Variants in PPP1R7 observed in about 807,000 individuals in gnomAD.
The protein encoded by PPP1R7 is protein phosphatase 1 regulatory subunit 7, also known as protein phosphatase 1 regulatory subunit 22.
In PPP1R7, 18 loss-of-function variants were observed where a neutral mutation model predicts 45.2. That is an observed-to-expected ratio of 0.40 (90% CI 0.28 to 0.59). The LOEUF is 0.59. Among genes scored for constraint, PPP1R7 ranks in the 20% least tolerant of loss-of-function variants. PPP1R7 has a pLI of 0.46. For missense variants in PPP1R7, 314 were observed against 455.8 expected, an observed-to-expected ratio of 0.69 and a Z score of 2.83; for synonymous variants, 181 against 183.4, an observed-to-expected ratio of 0.99 and a Z score of 0.11.
chr2:241,172,148 G>T (rs2067827348), intron 9 of PPP1R7, among the ~76,000 whole-genome samples: 1 of 127,456 alleles, frequency 7.8e-6, no homozygotes, highest in Admixed American at 8.0e-5. Context: ...CTACTTTTTG[G>T]AGTGACTTTT....
upstream of PPP1R7, chr2:241,150,004 C>T (rs1192795587): frequency 1.4e-6 from 2 of 1,405,096 alleles, no homozygotes; most frequent in Non-Finnish European, 1.8e-6. Flanking sequence ...GTTGCTCTTG[C>T]CGTTCGGCCC....
chr2:241,161,837 T>C (rs2067598015), intron 6 of PPP1R7, among the ~76,000 whole-genome samples: 1 of 152,166 alleles, frequency 6.6e-6, no homozygotes, highest in Non-Finnish European at 1.5e-5. Flanking sequence ...GAAGAACACT[T>C]GAGCCCCGTG....
At chr2:241,169,968 A>G (rs758517601) in intron 9 of PPP1R7, 101 bp downstream of exon 9, 183 of 976,896 alleles carry the variant, frequency 1.9e-4, no homozygotes, top group Non-Finnish European at 2.7e-4. Flanking sequence ...GTAAGCCTTC[A>G]TGCTGAGTGA....
At chr2:241,163,840 CTT>C (rs2067649161) in intron 7 of PPP1R7, among the ~76,000 whole-genome samples, 1 of 152,068 alleles carries the variant, frequency 6.6e-6, no homozygotes, top group African/African-American at 2.4e-5. Flanking sequence ...GTCTTGAACT[CTT>C]GACCTCAAGT....
At position 241,157,815 on chromosome 2, in the gene PPP1R7, G is replaced by C. The variant is rs1575385502; in HGVS notation, c.190G>C (p.Glu64Gln). The C allele has an allele frequency of 6.2e-7, 1 of 1,613,826 alleles. No homozygotes were observed. The highest frequency in any genetic ancestry group is 8.5e-7 in the Non-Finnish European group (1 of 1,179,702). Residue 64 changes from glutamate (E) to glutamine (Q), a missense_variant, in exon 3 of 10, where the codon GAG becomes CAG. Physicochemically the swap from Glu to Gln is conservative, Grantham distance 29. This residue lies in a region of PPP1R7 where 112 missense variants were observed against 144.5 expected (regional missense o/e 0.78). Transcript: ENST00000234038. Reference protein sequence around the residue: ...RGEEDPEEEHELPVDMETINL... With the variant: ...RGEEDPEEEHQLPVDMETINL... The stretch of plus-strand genomic sequence containing the variant: ...TTTTCTTATTTTTTCAGAAGAACAT[G>C]AGCTGCCTGTGGACATGGAAACCAT...
At chr2:241,177,948 G>A (rs1245273980) in intron 9 of PPP1R7, among the ~76,000 whole-genome samples, 6 of 152,238 alleles carry the variant, frequency 3.9e-5, no homozygotes, top group African/African-American at 7.2e-5. Flanking sequence ...GATGCTGCCC[G>A]CTCGTTTAAG....
At chr2:241,157,161 G>T (rs908213140) in intron 2 of PPP1R7, among the ~76,000 whole-genome samples, 6 of 152,176 alleles carry the variant, frequency 3.9e-5, no homozygotes, top group Non-Finnish European at 8.8e-5. Flanking sequence ...GGGCTTCTCT[G>T]CTGGAGTGAG....
chr2:241,149,784 G>A (rs1417252767), upstream of PPP1R7: 2 of 1,535,596 alleles, frequency 1.3e-6, no homozygotes, highest in Non-Finnish European at 1.7e-6. Flanking sequence ...TTCATGGGCC[G>A]GGTGGCTCCG....
chr2:241,150,595 G>T (rs775320126), intron 1 of PPP1R7, 48 bp downstream of exon 1: 9 of 1,558,864 alleles, frequency 5.8e-6, no homozygotes, highest in Non-Finnish European at 6.1e-6. Context: ...CGGGCGGGGG[G>T]AGCTGCGGGC....
At chr2:241,154,264 GAAAT>G (rs1295464614) in intron 2 of PPP1R7, among the ~76,000 whole-genome samples, 1 of 150,286 alleles carries the variant, frequency 6.7e-6, no homozygotes, top group African/African-American at 2.4e-5. Flanking sequence ...AATGAGATTC[GAAAT>G]AAATGTTATG....
upstream of PPP1R7, chr2:241,149,675 G>A (rs1212092215): frequency 5.8e-6 from 9 of 1,547,574 alleles, no homozygotes; most frequent in Non-Finnish European, 7.0e-6. Context: ...GGGCCGGGCA[G>A]ATGCGGTTTC....
rs996180124 is a variant in PPP1R7, at chr2:241,168,135, T to C, written c.820-1646T>C. On this transcript the variant is annotated intron_variant, in intron 8 of 9. Coordinates refer to ENST00000234038, the MANE Select transcript of PPP1R7 (RefSeq NM_002712.3). ...CTCTCCTCACCCTGTTCCATTCTTT[T>C]TTTCTGTTTCTTAAGCAGTTCTTAC... 7.9e-4 allele frequency among the ~76,000 whole-genome samples: 121 copies of C among 152,332 alleles called. 1 individual carries two copies. The highest frequency in any genetic ancestry group is 3.4e-3 in the Middle Eastern group (1 of 294).
At chr2:241,167,977 T>C (rs971071848) in intron 8 of PPP1R7, among the ~76,000 whole-genome samples, 15 of 152,210 alleles carry the variant, frequency 9.9e-5, no homozygotes, top group Non-Finnish European at 1.6e-4. Flanking sequence ...CCCATCCCAG[T>C]GTCTCACGAC....
chr2:241,181,856 C>T (rs1041051337), intron 9 of PPP1R7, among the ~76,000 whole-genome samples: 1 of 152,138 alleles, frequency 6.6e-6, no homozygotes, highest in African/African-American at 2.4e-5. Flanking sequence ...GCCCTGAGGC[C>T]GGGCAGCTCT....
chr2:241,160,287 T>G (rs370316216), intron 5 of PPP1R7, 45 bp from the exon 6 acceptor site: 6 of 1,463,852 alleles, frequency 4.1e-6, no homozygotes, highest in Non-Finnish European at 5.5e-6. Context: ...CTATGCAACC[T>G]ATGCTCGTGA....
chr2:241,168,705 G>A lies in PPP1R7; in HGVS notation c.820-1076G>A, dbSNP rs1341633554. Among the ~76,000 whole-genome samples, 9 of 152,196 alleles carry A rather than the reference G, an allele frequency of 5.9e-5. No homozygotes were observed. In the South Asian group the frequency reaches 6.2e-4, roughly 10 times the overall value. On this transcript the variant is annotated intron_variant, in intron 8 of 9. Transcript: ENST00000234038. ...GAGAGTGGCGTCAGACTTGACACAC[G>A]CAGCTGGTGCCAGCTGGGGTGCTGG...
At chr2:241,167,174 A>G (rs1014004392) in intron 8 of PPP1R7, 35 of 1,149,678 alleles carry the variant, frequency 3.0e-5, no homozygotes, top group African/African-American at 2.5e-4. Flanking sequence ...TTCTCATTCA[A>G]TTTTACTTGT....
In PPP1R7 at chr2:241,157,793, T is replaced by C; in HGVS notation, c.182-14T>C. ...ATGGGGTTCTGAACAAATCTCTTTT[T>C]CTTATTTTTTCAGAAGAACATGAGC... On this transcript the variant is annotated splice_polypyrimidine_tract_variant and intron_variant, in intron 2 of 9. Coordinates refer to ENST00000234038, the MANE Select transcript of PPP1R7 (RefSeq NM_002712.3). 1 of 1,611,628 alleles carries C rather than the reference T, an allele frequency of 6.2e-7. No individual in the cohort carries two copies.
At chr2:241,166,547 A>T (rs2067715606) in intron 8 of PPP1R7, 106 bp downstream of exon 8, 2 of 902,550 alleles carry the variant, frequency 2.2e-6, no homozygotes, top group South Asian at 2.9e-5. Context: ...TGTCAGGAAG[A>T]TGCCCTGCCT....
Sources: gnomAD v4.1 joint callset for allele counts (sites outside exome capture counted in the v4.1 genomes callset) on GRCh38, gnomAD v4.1.1 for gene constraint, gnomAD v4.1.1 regional missense constraint, MANE v1.5 for transcripts, NCBI Gene and HGNC (gene_info 2026-07-23, HGNC 2026-07-21) for gene names.